Variants in CCDC7 observed in about 807,000 individuals in gnomAD.
CCDC7 encodes the protein coiled-coil domain-containing protein 7.
In CCDC7, 183 loss-of-function variants were observed where a neutral mutation model predicts 196.9. The observed-to-expected ratio is 0.93, with a 90% CI of 0.82 to 1.05. CCDC7 has a LOEUF of 1.05. Ranked by LOEUF, CCDC7 falls within the 50% of genes least tolerant of loss-of-function variation. The pLI is 0.00. For missense variants in CCDC7, 1,540 were observed against 1,482.2 expected (o/e 1.04, Z -0.64); for synonymous variants, 525 against 484.6 (o/e 1.08, Z -1.10).
At chr10:32,696,094 A>C (rs574996416) in intron 24 of CCDC7, among the ~76,000 whole-genome samples, 162 of 152,144 alleles carry the variant, frequency 1.1e-3, no homozygotes, top group Middle Eastern at 6.8e-3. Context: ...CATATACCCC[A>C]AAAAAATGGT....
At chr10:32,828,426 AGAAG>A (rs1263031118) in intron 32 of CCDC7, among the ~76,000 whole-genome samples, 3 of 115,726 alleles carry the variant, frequency 2.6e-5, no homozygotes, top group African/African-American at 8.4e-5. Flanking sequence ...GAGAAGAAGA[AGAAG>A]GAAGGAAGGA....
chr10:32,526,049 G>C (rs1331038674), intron 11 of CCDC7, among the ~76,000 whole-genome samples: 1 of 152,202 alleles, frequency 6.6e-6, no homozygotes. Flanking sequence ...AGAGATGCTG[G>C]CTGGGAGGCA....
intron 20 of CCDC7, among the ~76,000 whole-genome samples, chr10:32,660,432 A>G (rs1162083297): frequency 7.3e-6 from 1 of 136,254 alleles, no homozygotes; most frequent in Non-Finnish European, 1.6e-5. Flanking sequence ...AATTTCATCC[A>G]TGTCCCTACA....
At chr10:32,490,571 C>G (rs750794448) in intron 8 of CCDC7, among the ~76,000 whole-genome samples, 2 of 152,106 alleles carry the variant, frequency 1.3e-5, no homozygotes, top group Non-Finnish European at 2.9e-5. Flanking sequence ...CCCAGACGGG[C>G]TGATCATGAG....
intron 41 of CCDC7, among the ~76,000 whole-genome samples, chr10:32,861,115 CAA>C (rs142801821): frequency 1.5e-4 from 15 of 97,122 alleles, no homozygotes; most frequent in African/African-American, 5.1e-4. Flanking sequence ...CAATCATAAG[CAA>C]AAAAAAAAAA....
intron 11 of CCDC7, among the ~76,000 whole-genome samples, chr10:32,521,579 GTT>G (rs796859388): frequency 1.4e-5 from 2 of 139,256 alleles, no homozygotes; most frequent in Non-Finnish European, 1.6e-5. Flanking sequence ...AGTTCTAAGA[GTT>G]TTTTTTTTTT....
At chr10:32,821,555 A>G (rs1272439252) in intron 31 of CCDC7, among the ~76,000 whole-genome samples, 2 of 152,206 alleles carry the variant, frequency 1.3e-5, no homozygotes, top group Non-Finnish European at 2.9e-5. Flanking sequence ...AAGACTTGGA[A>G]CCAACCCAAA....
chr10:32,515,189 A>G (rs947093199), intron 9 of CCDC7, among the ~76,000 whole-genome samples: 2 of 152,202 alleles, frequency 1.3e-5, no homozygotes, highest in East Asian at 1.9e-4. Flanking sequence ...ATTACTTTCA[A>G]AATTCCAGCT....
intron 20 of CCDC7, among the ~76,000 whole-genome samples, chr10:32,645,792 C>A (rs2067664944): frequency 6.6e-6 from 1 of 151,910 alleles, no homozygotes. Context: ...AAGAATTTAT[C>A]CATTTCCTCT....
intron 25 of CCDC7, 26 bp from the exon 27 acceptor site, chr10:32,726,708 A>T (rs570764296): frequency 7.5e-7 from 1 of 1,334,718 alleles, no homozygotes; most frequent in Non-Finnish European, 1.1e-6. Flanking sequence ...GACTAAATGT[A>T]TCTCTTTATG....
At chr10:32,591,917 C>T (rs930174898) in intron 18 of CCDC7, among the ~76,000 whole-genome samples, 12 of 152,084 alleles carry the variant, frequency 7.9e-5, no homozygotes, top group Non-Finnish European at 1.6e-4. Flanking sequence ...TCACTGTGAG[C>T]GACATGGTAC....
At position 32,584,629 on chromosome 10, in the gene CCDC7, G is replaced by A. The variant is rs1055522505; in HGVS notation, c.1801+325G>A. Among the ~76,000 whole-genome samples, 7 of 151,194 alleles carry A rather than the reference G, an allele frequency of 4.6e-5. 1 individual carries two copies. Among genetic ancestry groups the A allele is most frequent in the Admixed American group, 4.6e-4 (7 of 15,148 alleles). On this transcript the variant is annotated intron_variant, in intron 18 of 41. Coordinates refer to ENST00000639629, the Ensembl canonical transcript of CCDC7. ...AAATTAGCTGGGTGTGGTGGTGCATGCTTGTAATAGCTACTCAGGAGGCGG... is the reference window on the plus strand; with the variant it reads ...AAATTAGCTGGGTGTGGTGGTGCATACTTGTAATAGCTACTCAGGAGGCGG...
chr10:32,796,305 G>A (rs886142464), intron 29 of CCDC7, among the ~76,000 whole-genome samples: 2 of 151,974 alleles, frequency 1.3e-5, no homozygotes, highest in African/African-American at 4.8e-5. Flanking sequence ...TTGCTTCTAT[G>A]CCAACATTTT....
chr10:32,854,779 A>G (rs181918198), intron 41 of CCDC7, among the ~76,000 whole-genome samples: 167 of 152,312 alleles, frequency 1.1e-3, no homozygotes, highest in Non-Finnish European at 2.0e-3. Flanking sequence ...ACTGCATGAT[A>G]TTCTATGATG....
At chr10:32,649,787 C>T (rs1193481153) in intron 20 of CCDC7, among the ~76,000 whole-genome samples, 2 of 152,202 alleles carry the variant, frequency 1.3e-5, no homozygotes, top group Admixed American at 1.3e-4. Context: ...ATTCTTTCCT[C>T]AACTTGGTCT....
chr10:32,775,787 T>G (rs1371384550), intron 28 of CCDC7, among the ~76,000 whole-genome samples: 2 of 152,216 alleles, frequency 1.3e-5, no homozygotes, highest in African/African-American at 4.8e-5. Context: ...GCAAATATTT[T>G]GAAATTTTGA....
Position 32,572,528 on chromosome 10 carries a change from G to A in CCDC7, c.1454+635G>A, listed in dbSNP as rs1312230259. Among the ~76,000 whole-genome samples, 6 of 152,142 alleles carry A rather than the reference G, an allele frequency of 3.9e-5. No individual in the cohort carries two copies. In the East Asian group the frequency reaches 1.2e-3, roughly 29 times the overall value. On this transcript the variant is annotated intron_variant, in intron 16 of 41. Coordinates refer to ENST00000639629, the Ensembl canonical transcript of CCDC7. Reference sequence around the variant, plus strand: ...TGAATTAGCAAGAATTAGGTAATAAGTGTAATGATTAATGGCCAGAAGTTT... The same window carrying A: ...TGAATTAGCAAGAATTAGGTAATAAATGTAATGATTAATGGCCAGAAGTTT...
At chr10:32,860,428 C>G (rs1425678209) in intron 41 of CCDC7, among the ~76,000 whole-genome samples, 1 of 152,140 alleles carries the variant, frequency 6.6e-6, no homozygotes, top group East Asian at 1.9e-4. Context: ...ATAATAAGAG[C>G]TATTTATGAC....
At chr10:32,631,672 C>CAA (rs35507467) in intron 18 of CCDC7, among the ~76,000 whole-genome samples, 2 of 142,890 alleles carry the variant, frequency 1.4e-5, no homozygotes, top group African/African-American at 2.6e-5. Flanking sequence ...TCAATTTCTA[C>CAA]AAAAAAAAAA....
Sources: allele counts gnomAD v4.1 joint callset (sites outside exome capture counted in the v4.1 genomes callset), GRCh38; gene constraint gnomAD v4.1.1; transcripts MANE v1.5; gene names NCBI Gene and HGNC (gene_info 2026-07-23, HGNC 2026-07-21).